Variants in SIK3 observed in about 807,000 individuals in gnomAD.
The protein encoded by SIK3 is serine/threonine-protein kinase SIK3.
Under a neutral mutation model 144.2 loss-of-function variants are expected in SIK3, and 28 were observed. The ratio of observed to expected loss-of-function variants is 0.19; its 90% CI spans 0.14 to 0.27. SIK3 has a LOEUF of 0.27. Among genes scored for constraint, SIK3 ranks in the 10% least tolerant of loss-of-function variants. The pLI is 1.00. For synonymous variants in SIK3, 686 were observed against 676.3 expected (o/e 1.01, Z -0.22); for missense variants, 1,319 against 1,776.0 (o/e 0.74, Z 4.62).
intron 1 of SIK3, among the ~76,000 whole-genome samples, chr11:117,038,646 C>A (rs540991668): frequency 7.2e-5 from 11 of 152,202 alleles, no homozygotes; most frequent in African/African-American, 2.4e-4. Context: ...AGCCACCGCA[C>A]CTGGCCGCTA....
At chr11:117,082,107 G>C (rs1243987313) in intron 1 of SIK3, among the ~76,000 whole-genome samples, 1 of 152,132 alleles carries the variant, frequency 6.6e-6, no homozygotes, top group African/African-American at 2.4e-5. Flanking sequence ...ACATCCACTA[G>C]GATGGCTAAA....
Position 116,968,288 on chromosome 11 carries a change from G to A in SIK3, c.274-11224C>T, listed in dbSNP as rs149144614. Among the ~76,000 whole-genome samples, 971 of 152,080 alleles carry A rather than the reference G, an allele frequency of 6.4e-3. 14 individuals are homozygous for A. Among genetic ancestry groups the A allele is most frequent in the East Asian group, 0.049 (255 of 5,156 alleles). On this transcript the variant is annotated intron_variant, in intron 1 of 24. Coordinates refer to ENST00000445177, the MANE Select transcript of SIK3 (RefSeq NM_001366686.3). Reference sequence around the variant, plus strand: ...CTCCCAAGTAGCTGGGACTACAGGCGCGCACCACCATGCCCGGCTAATTTT... The same window carrying A: ...CTCCCAAGTAGCTGGGACTACAGGCACGCACCACCATGCCCGGCTAATTTT...
At chr11:116,989,290 A>G (rs994597578) in intron 1 of SIK3, among the ~76,000 whole-genome samples, 2 of 152,188 alleles carry the variant, frequency 1.3e-5, no homozygotes, top group African/African-American at 4.8e-5. Flanking sequence ...GGTCTTTTAA[A>G]ATGCAAAGTC....
intron 4 of SIK3, among the ~76,000 whole-genome samples, chr11:116,904,350 T>G (rs1945906829): frequency 6.6e-6 from 1 of 152,082 alleles, no homozygotes; most frequent in Admixed American, 6.5e-5. Context: ...CAATAAAGGG[T>G]TTGTAGGGGC....
chr11:116,946,613 A>G (rs1486677504), intron 3 of SIK3, among the ~76,000 whole-genome samples: 1 of 152,168 alleles, frequency 6.6e-6, no homozygotes, highest in Non-Finnish European at 1.5e-5. Flanking sequence ...CATCCTTGAG[A>G]AAACAGTCTA....
intron 1 of SIK3, among the ~76,000 whole-genome samples, chr11:117,094,072 G>C (rs1361513176): frequency 5.3e-5 from 8 of 152,186 alleles, no homozygotes; most frequent in Middle Eastern, 3.4e-3. Context: ...TGTGAGGTAA[G>C]TACTACTGTC....
At chr11:116,968,565 C>A (rs1483138718) in intron 1 of SIK3, among the ~76,000 whole-genome samples, 3 of 152,216 alleles carry the variant, frequency 2.0e-5, no homozygotes, top group Non-Finnish European at 4.4e-5. Flanking sequence ...ATAGCCACAA[C>A]AGATGTCAAA....
At chr11:117,020,246 T>TATATATATATATATATATATAC in intron 1 of SIK3, among the ~76,000 whole-genome samples, 34 of 127,298 alleles carry the variant, frequency 2.7e-4, no homozygotes, top group African/African-American at 1.0e-3. Context: ...CATATATATA[T>TATATATATATATATATATATAC]ACACATACAT....
intron 3 of SIK3, among the ~76,000 whole-genome samples, chr11:116,949,818 G>C (rs1948850597): frequency 6.6e-6 from 1 of 152,012 alleles, no homozygotes. Flanking sequence ...AGTACAATCA[G>C]GTTTGAACTT....
At chr11:116,984,050 CAAAAA>C (rs35403684) in intron 1 of SIK3, among the ~76,000 whole-genome samples, 1,604 of 80,892 alleles carry the variant, frequency 0.02, 24 homozygotes, top group African/African-American at 0.063. Context: ...GACCCTGACT[CAAAAA>C]AAAAAAAAAA....
chr11:116,883,366 G>A (rs1944646561), intron 6 of SIK3, among the ~76,000 whole-genome samples: 1 of 152,198 alleles, frequency 6.6e-6, no homozygotes, highest in Non-Finnish European at 1.5e-5. Context: ...ACAGAACAGT[G>A]TGACTATCTT....
rs60639658 is a variant in SIK3 at position 117,098,134 on chromosome 11, C to A, written c.273+9G>T. 1.9e-4 allele frequency: 287 copies of A among 1,480,278 alleles called. 4 individuals carry two copies. In the East Asian group the frequency reaches 7.1e-3, roughly 37 times the overall value. 91.7% of individuals were successfully genotyped at this position (1,480,278 alleles called of 1,614,324 possible). ...CGCTCCGACTGCCGCCTGGCCCCTG[C>A]GCCGGTACCTTGGCCTTGGTGACGA... On this transcript the variant is annotated intron_variant, in intron 1 of 24. Transcript: ENST00000445177.
intron 1 of SIK3, among the ~76,000 whole-genome samples, chr11:116,988,551 C>A (rs542654239): frequency 9.9e-4 from 151 of 152,158 alleles, no homozygotes; most frequent in African/African-American, 3.4e-3. Flanking sequence ...GATGCCGAGG[C>A]AGGTGAATTG....
intron 1 of SIK3, among the ~76,000 whole-genome samples, chr11:117,086,216 T>C (rs891403531): frequency 3.9e-5 from 6 of 152,202 alleles, no homozygotes; most frequent in African/African-American, 9.6e-5. Context: ...ACCCATAAAG[T>C]ACAATGCACA....
intron 1 of SIK3, among the ~76,000 whole-genome samples, chr11:117,005,668 C>T (rs1237027818): frequency 6.6e-6 from 1 of 152,122 alleles, no homozygotes; most frequent in Non-Finnish European, 1.5e-5. Context: ...ACATCTGATT[C>T]ATAGAATGAG....
At chr11:116,956,852 T>G in intron 2 of SIK3, 96 bp downstream of exon 2, 1 of 667,240 alleles carries the variant, frequency 1.5e-6, no homozygotes, top group Non-Finnish European at 2.4e-6. Context: ...ACAAAAAAAG[T>G]CACAGATGTT....
chr11:117,096,605 T>C (rs569332255), intron 1 of SIK3, among the ~76,000 whole-genome samples: 8 of 152,214 alleles, frequency 5.3e-5, no homozygotes, highest in African/African-American at 1.4e-4. Flanking sequence ...AGCTCTGACC[T>C]GCAGACTGGA....
Position 116,846,297 on chromosome 11 carries a change from C to A in SIK3, c.*13+86G>T. ...GTACTGTCGACTGCACTGGCCACCA[C>A]AACACATGGGCTGAAGCTCCTGATG... On this transcript the variant is annotated intron_variant, in intron 24 of 24. Coordinates refer to ENST00000445177, the MANE Select transcript of SIK3 (RefSeq NM_001366686.3). This position sits in a 1 kb window ranked among gnomAD's most constrained non-coding sequence, Gnocchi z 4.1. 2.1e-6 allele frequency: 3 copies of A among 1,439,806 alleles called. No individual in the cohort carries two copies. The highest frequency in any genetic ancestry group is 1.3e-5 in the South Asian group (1 of 77,624). The allele number at this position is 1,439,806 out of a possible 1,614,324, so 89.2% of individuals were successfully genotyped here.
At chr11:116,877,113 G>T in intron 6 of SIK3, 71 bp from the exon 7 acceptor site, 2 of 1,318,232 alleles carry the variant, frequency 1.5e-6, no homozygotes, top group South Asian at 1.2e-5. Flanking sequence ...GGAACCAGGG[G>T]CAAAGCCAGC....
Sources: gnomAD v4.1 joint callset for allele counts (sites outside exome capture counted in the v4.1 genomes callset) on GRCh38, gnomAD v4.1.1 for gene constraint, Gnocchi (gnomAD v3.1) non-coding constraint, MANE v1.5 for transcripts, NCBI Gene and HGNC (gene_info 2026-07-23, HGNC 2026-07-21) for gene names.